Variants in F13B observed in about 807,000 individuals in gnomAD.
F13B encodes the protein coagulation factor XIII B chain.
A neutral mutation model predicts 79.8 loss-of-function variants in F13B; 58 were observed. That is an observed-to-expected ratio of 0.73 (90% CI 0.59 to 0.90). The LOEUF (loss-of-function observed/expected upper bound fraction) is 0.90. Among genes scored for constraint, F13B ranks in the 40% least tolerant of loss-of-function variants. F13B has a pLI of 0.00. For missense variants in F13B, 773 were observed against 777.0 expected, an observed-to-expected ratio of 0.99 and a Z score of 0.06; for synonymous variants, 283 against 260.3, an observed-to-expected ratio of 1.09 and a Z score of -0.84.
At chr1:197,067,117 T>G (rs1473571843) in intron 1 of F13B, 43 bp downstream of exon 1, 7 of 1,162,148 alleles carry the variant, frequency 6.0e-6, no homozygotes, top group Non-Finnish European at 8.9e-6. Context: ...GAATCTCCAT[T>G]TGTATGTTTT....
At chr1:197,045,072 G>A (rs1183547380) in intron 10 of F13B, among the ~76,000 whole-genome samples, 1 of 152,030 alleles carries the variant, frequency 6.6e-6, no homozygotes, top group African/African-American at 2.4e-5. Context: ...ATCTAAAATC[G>A]ACACCCTAAC....
At chr1:197,040,373 G>T in intron 11 of F13B, 149 bp downstream of exon 11, 1 of 618,816 alleles carries the variant, frequency 1.6e-6, no homozygotes, top group Non-Finnish European at 2.8e-6. Context: ...CCAGTTGTTT[G>T]TTTGGTGTAA....
At chr1:197,050,914 G>T (rs1467089182) in intron 9 of F13B, 35 bp from the exon 10 acceptor site, 1 of 1,541,784 alleles carries the variant, frequency 6.5e-7, no homozygotes, top group Non-Finnish European at 9.0e-7. Context: ...ACAATGAATT[G>T]CTATAATGAA....
At chr1:197,061,424 T>C (rs1410858319) in intron 3 of F13B, among the ~76,000 whole-genome samples, 3 of 152,150 alleles carry the variant, frequency 2.0e-5, no homozygotes, top group Non-Finnish European at 4.4e-5. Context: ...ATTATTGAAC[T>C]ATTTTTAAGT....
At chr1:197,044,947 T>C (rs369682058) in intron 10 of F13B, among the ~76,000 whole-genome samples, 4 of 152,122 alleles carry the variant, frequency 2.6e-5, no homozygotes, top group African/African-American at 7.2e-5. Flanking sequence ...ATAAAGATGT[T>C]CTTTGAACCC....
chr1:197,055,796 A>G lies in F13B; in HGVS notation c.1273T>C (p.Cys425Arg), dbSNP rs1655620220. The change falls in exon 8 of 12, where the codon TGC (cysteine) becomes CGC (arginine). Residue 425 changes from cysteine to arginine, a missense_variant. Physicochemically the swap from Cys to Arg is radical, Grantham distance 180 (BLOSUM62 -3). Coordinates refer to ENST00000367412, the MANE Select transcript of F13B (RefSeq NM_001994.3). Reference protein sequence around the residue: ...YATGSSVEYRCNEYYLLRGSK... With the variant: ...YATGSSVEYRRNEYYLLRGSK... ...CCCCTCAGTAAGTAATATTCATTGC[A>G]TCTATATTCCACTGAGGATCCTGTT... The G allele has an allele frequency of 1.2e-6, 2 of 1,613,672 alleles. No homozygotes were observed. The highest frequency in any genetic ancestry group is 2.2e-5 in the East Asian group (1 of 44,848).
chr1:197,041,456 T>C (rs1380873922), intron 10 of F13B, among the ~76,000 whole-genome samples: 1 of 152,156 alleles, frequency 6.6e-6, no homozygotes, highest in Non-Finnish European at 1.5e-5. Context: ...ATCAAATTAT[T>C]TCAGAAAATG....
At chr1:197,054,864 AAG>A (rs1331722227) in intron 8 of F13B, among the ~76,000 whole-genome samples, 6 of 152,152 alleles carry the variant, frequency 3.9e-5, no homozygotes, top group Non-Finnish European at 7.4e-5. Flanking sequence ...TTAATAGAAA[AAG>A]AATTAAAATT....
At chr1:197,044,977 C>A (rs929725525) in intron 10 of F13B, among the ~76,000 whole-genome samples, 2 of 152,080 alleles carry the variant, frequency 1.3e-5, no homozygotes, top group African/African-American at 4.8e-5. Context: ...AAAGACACTA[C>A]GTACCAGAAT....
intron 10 of F13B, among the ~76,000 whole-genome samples, chr1:197,048,132 T>TTATA: frequency 6.7e-6 from 1 of 149,410 alleles, no homozygotes; most frequent in Admixed American, 6.6e-5. Flanking sequence ...ACTTAAAATA[T>TTATA]TATATATATA....
chr1:197,053,844 A>G (rs138827079), intron 8 of F13B, among the ~76,000 whole-genome samples: 2 of 152,156 alleles, frequency 1.3e-5, no homozygotes, highest in East Asian at 3.9e-4. Flanking sequence ...TTTCTTATGA[A>G]AGAGTGTCCC....
chr1:197,045,678 G>A (rs1655202366), intron 10 of F13B, among the ~76,000 whole-genome samples: 1 of 152,156 alleles, frequency 6.6e-6, no homozygotes, highest in Non-Finnish European at 1.5e-5. Flanking sequence ...GCATCATCCT[G>A]ATATCAAAGC....
chr1:197,042,507 T>G (rs1358175771), intron 10 of F13B, among the ~76,000 whole-genome samples: 1 of 151,550 alleles, frequency 6.6e-6, no homozygotes, highest in Non-Finnish European at 1.5e-5. Context: ...CTGGAAAAAA[T>G]GTATTCAGGT....
At position 197,057,209 on chromosome 1, in the gene F13B, A is replaced by G. The variant is rs1168877854; in HGVS notation, c.986-11T>C. 1 of 1,613,906 alleles carries G rather than the reference A, an allele frequency of 6.2e-7. No individual in the cohort carries two copies. Among genetic ancestry groups the G allele is most frequent in the African/African-American group, 1.3e-5 (1 of 75,048 alleles). On this transcript the variant is annotated splice_polypyrimidine_tract_variant and intron_variant, in intron 6 of 11. Transcript: ENST00000367412. ...CCTTCTCCTGTCCTTCTGAAAAGGT[A>G]CAGTTGAAAGAGAACTGACCATTTA...
intron 1 of F13B, among the ~76,000 whole-genome samples, chr1:197,066,660 C>G (rs992954618): frequency 1.3e-5 from 2 of 152,166 alleles, no homozygotes; most frequent in Admixed American, 6.5e-5. Context: ...CTAATCACTA[C>G]TTAATGTCTC....
chr1:197,051,031 A>C (rs1392412437), intron 9 of F13B, 152 bp from the exon 10 acceptor site: 3 of 667,520 alleles, frequency 4.5e-6, no homozygotes, highest in Non-Finnish European at 7.9e-6. Flanking sequence ...TCCCAGGCTC[A>C]AGTGATCCTC....
At chr1:197,065,995 C>CTTTTT (rs766666193) in intron 1 of F13B, among the ~76,000 whole-genome samples, 1 of 121,670 alleles carries the variant, frequency 8.2e-6, no homozygotes, top group Non-Finnish European at 1.8e-5. Context: ...AAGCAGCTTA[C>CTTTTT]TTTTTTTTTT....
At chr1:197,059,698 G>A (rs1177705836) in intron 5 of F13B, among the ~76,000 whole-genome samples, 1 of 152,064 alleles carries the variant, frequency 6.6e-6, no homozygotes, top group Non-Finnish European at 1.5e-5. Flanking sequence ...TGTACCATTT[G>A]TCACATTATA....
At position 197,062,028 on chromosome 1, in the gene F13B, T is replaced by C. The variant is rs555381397; in HGVS notation, c.266-59A>G. 1.2e-5 allele frequency: 17 copies of C among 1,437,548 alleles called. No individual in the cohort carries two copies. In the East Asian group the frequency reaches 3.5e-4, roughly 30 times the overall value. The allele number at this position is 1,437,548 out of a possible 1,614,324, so 89.0% of individuals were successfully genotyped here. A position where few individuals can be genotyped will look rare whatever the true frequency, so the allele number is the denominator to read the frequency against. Reference sequence around the variant, plus strand: ...AAACTAAGCTTGTCTTTTACTAAATTGTAAAATTAAGCCAAAAGTATAATG... The same window carrying C: ...AAACTAAGCTTGTCTTTTACTAAATCGTAAAATTAAGCCAAAAGTATAATG... On this transcript the variant is annotated intron_variant, in intron 2 of 11. Transcript: ENST00000367412.
Sources: allele counts gnomAD v4.1 joint callset (sites outside exome capture counted in the v4.1 genomes callset), GRCh38; gene constraint gnomAD v4.1.1; transcripts MANE v1.5; gene names NCBI Gene and HGNC (gene_info 2026-07-23, HGNC 2026-07-21).